CXADR: variants seen among roughly 807,000 people sequenced by gnomAD.
The protein encoded by CXADR is CXADR cell adhesion molecule.
A neutral mutation model predicts 40.3 loss-of-function variants in CXADR; 20 were observed. The ratio of observed to expected loss-of-function variants is 0.50; its 90% CI spans 0.35 to 0.72. The LOEUF (loss-of-function observed/expected upper bound fraction) is 0.72, where lower values mean the gene tolerates loss of function less well. CXADR is among the 30% of genes least tolerant of loss of function. The probability of loss-of-function intolerance (pLI) is 0.01; values close to 1 mark genes in which losing one functional copy is unlikely to be tolerated. For synonymous variants in CXADR, 150 were observed against 161.3 expected (o/e 0.93, Z 0.53); for missense variants, 332 against 449.1 (o/e 0.74, Z 2.36).
chr21:17,566,159 A>G lies in CXADR; in HGVS notation c.*467A>G. On this transcript the variant is annotated 3_prime_UTR_variant, in exon 7 of 7. Coordinates refer to ENST00000284878, the MANE Select transcript of CXADR (RefSeq NM_001338.5). ...TTAGTACAGAAATATCCATGACAAA[A>G]TTACTTACGTATGTTTGTACTTGGT... 1.0e-6 allele frequency: 1 copy of G among 984,620 alleles called. No individual in the cohort carries two copies. The highest frequency in any genetic ancestry group is 1.2e-6 in the Non-Finnish European group (1 of 829,154). The allele number at this position is 984,620 out of a possible 1,614,324, so 61.0% of individuals were successfully genotyped here. A position where few individuals can be genotyped will look rare whatever the true frequency, so the allele number is the denominator to read the frequency against.
At chr21:17,556,498 A>G (rs1437925846) in intron 3 of CXADR, among the ~76,000 whole-genome samples, 1 of 152,226 alleles carries the variant, frequency 6.6e-6, no homozygotes, top group African/African-American at 2.4e-5. Context: ...TGAGCGTTAG[A>G]GTTAGAATAC....
chr21:17,627,817 A>T, the CXADR span, among the ~76,000 whole-genome samples: 3 of 152,208 alleles, frequency 2.0e-5, no homozygotes, highest in African/African-American at 7.2e-5. Flanking sequence ...AACTTTGTGG[A>T]CCATGATGAG....
rs2824378 is a variant in CXADR, at chr21:17,588,874, G to A, written c.1018-4278G>A. 6.3e-3 allele frequency among the ~76,000 whole-genome samples: 965 copies of A among 151,986 alleles called. 57 individuals carry two copies. The East Asian group carries it at 0.13, about 21-fold the overall frequency. On this transcript the variant is annotated intron_variant, in intron 7 of 7. Transcript: ENST00000400169. ...AAATTATGATTTCTATTGACTTTAT[G>A]TATTAATTTGTAGAAAAGTAAAGCT...
chr21:17,603,556 A>C, the CXADR span, among the ~76,000 whole-genome samples: 4 of 152,212 alleles, frequency 2.6e-5, no homozygotes, highest in South Asian at 8.3e-4. Flanking sequence ...GTCTGCGACC[A>C]CCTTAGGAGT....
chr21:17,519,194 A>C (rs190106600), intron 1 of CXADR, among the ~76,000 whole-genome samples: 1 of 152,294 alleles, frequency 6.6e-6, no homozygotes, highest in African/African-American at 2.4e-5. Context: ...TCGATTACCA[A>C]CTTAGCTCAC....
At chr21:17,613,573 T>C in the CXADR span, 1 of 152,286 alleles carries the variant, frequency 6.6e-6, no homozygotes, top group East Asian at 1.9e-4. Flanking sequence ...CCGGCCACTG[T>C]GTTTTGCATA....
In CXADR at chr21:17,568,618, T is replaced by C. The variant is rs997724573; in HGVS notation, c.*2926T>C. Reference sequence around the variant, plus strand: ...ATTGCTCAGGCTGGTCTCAAACTGCTGGGCTCAGGAGATCCTCCTGCCTTG... The same window carrying C: ...ATTGCTCAGGCTGGTCTCAAACTGCCGGGCTCAGGAGATCCTCCTGCCTTG... On this transcript the variant is annotated 3_prime_UTR_variant, in exon 7 of 7. Coordinates refer to ENST00000284878, the MANE Select transcript of CXADR (RefSeq NM_001338.5). 7.1e-6 allele frequency: 7 copies of C among 981,752 alleles called. No homozygotes were observed. In the African/African-American group the frequency reaches 1.2e-4, roughly 17 times the overall value. The allele number at this position is 981,752 out of a possible 1,614,324, so 60.8% of individuals were successfully genotyped here.
chr21:17,618,688 C>T, the CXADR span, among the ~76,000 whole-genome samples: 1 of 152,078 alleles, frequency 6.6e-6, no homozygotes, highest in East Asian at 1.9e-4. Context: ...AGGCATGCAC[C>T]ACCACGCCCG....
intron 1 of CXADR, among the ~76,000 whole-genome samples, chr21:17,518,111 TA>T (rs1175483050): frequency 1.3e-5 from 2 of 152,102 alleles, no homozygotes; most frequent in African/African-American, 4.8e-5. Flanking sequence ...CTGTGTTTTA[TA>T]GGGGGAAAAG....
chr21:17,552,098 C>T, intron 3 of CXADR, 145 bp downstream of exon 3: 1 of 635,592 alleles, frequency 1.6e-6, no homozygotes, highest in Non-Finnish European at 2.7e-6. Flanking sequence ...TGTTGGATAG[C>T]ATCAAATATA....
At chr21:17,517,031 A>G (rs2060470656) in intron 1 of CXADR, among the ~76,000 whole-genome samples, 1 of 152,194 alleles carries the variant, frequency 6.6e-6, no homozygotes, top group Admixed American at 6.5e-5. Flanking sequence ...CTTTGCCTTC[A>G]TGTCTGTAGA....
the CXADR span, among the ~76,000 whole-genome samples, chr21:17,628,585 C>T: frequency 3.3e-5 from 5 of 152,260 alleles, no homozygotes; most frequent in South Asian, 2.1e-4. Flanking sequence ...ACTGCAACCT[C>T]TGCCTCCCAG....
rs916062310 is a variant in CXADR, at chr21:17,523,921, C to T, written c.43+10749C>T. 5.3e-5 allele frequency among the ~76,000 whole-genome samples: 8 copies of T among 151,942 alleles called. No homozygotes were observed. In the East Asian group the frequency reaches 5.9e-4, roughly 11 times the overall value. On this transcript the variant is annotated intron_variant, in intron 1 of 6. Coordinates refer to ENST00000284878, the MANE Select transcript of CXADR (RefSeq NM_001338.5). ...TCGCCCAGGCTGGAGTGCAGTGGCG[C>T]GATCTCGGTTCACTGCAACCTCCGC...
intron 1 of CXADR, among the ~76,000 whole-genome samples, chr21:17,528,928 A>T (rs143743673): frequency 8.6e-5 from 13 of 151,578 alleles, no homozygotes; most frequent in African/African-American, 2.7e-4. Context: ...CCTGATGTGG[A>T]TCAGTTCTCC....
At position 17,524,423 on chromosome 21, in the gene CXADR, G is replaced by A. The variant is rs79039638; in HGVS notation, c.43+11251G>A. Among the ~76,000 whole-genome samples the A allele has an allele frequency of 9.7e-4, 147 of 151,566 alleles. 1 individual carries two copies. The highest frequency in any genetic ancestry group is 3.2e-3 in the African/African-American group (134 of 41,358). On this transcript the variant is annotated intron_variant, in intron 1 of 6. Transcript: ENST00000284878. ...CTAAAAATACAAAAATCAGCTGGGCGTGGTGGTGTGTGCCTGTAATCTCAG... is the reference window on the plus strand; with the variant it reads ...CTAAAAATACAAAAATCAGCTGGGCATGGTGGTGTGTGCCTGTAATCTCAG...
chr21:17,520,111 A>G (rs543306565), intron 1 of CXADR, among the ~76,000 whole-genome samples: 2 of 152,168 alleles, frequency 1.3e-5, no homozygotes, highest in Admixed American at 6.5e-5. Flanking sequence ...TTCCATTCGA[A>G]TACCTAACAC....
At chr21:17,562,298 T>A (rs139104259) in intron 6 of CXADR, among the ~76,000 whole-genome samples, 1 of 151,550 alleles carries the variant, frequency 6.6e-6, no homozygotes, top group South Asian at 2.1e-4. Context: ...CTATGGCAAT[T>A]TCTTTCTTTG....
downstream of CXADR, chr21:17,594,256 T>C (rs1437851769): frequency 1.9e-6 from 3 of 1,612,088 alleles, no homozygotes; most frequent in South Asian, 2.2e-5. Context: ...CTGATGGCCA[T>C]TCCCTCGATA....
the CXADR span, among the ~76,000 whole-genome samples, chr21:17,607,921 T>C: frequency 6.6e-6 from 1 of 152,242 alleles, no homozygotes; most frequent in Non-Finnish European, 1.5e-5. Context: ...TCTGCTCTTC[T>C]TTACTTTAAG....
Sources: allele counts gnomAD v4.1 joint callset (sites outside exome capture counted in the v4.1 genomes callset), GRCh38; gene constraint gnomAD v4.1.1; transcripts MANE v1.5; gene names NCBI Gene and HGNC (gene_info 2026-07-23, HGNC 2026-07-21).